Variants in DRC11 observed in about 807,000 individuals in gnomAD.
The protein encoded by DRC11 is IQ and AAA domain-containing protein 1.
At chr2:236,489,531 G>C in the DRC11 span, among the ~76,000 whole-genome samples, 1 of 152,182 alleles carries the variant, frequency 6.6e-6, no homozygotes, top group Admixed American at 6.5e-5. Context: ...TGCTGTTCCA[G>C]AGGCCCCAGA....
At chr2:236,336,338 C>T in the DRC11 span, among the ~76,000 whole-genome samples, 5 of 152,206 alleles carry the variant, frequency 3.3e-5, no homozygotes, top group Non-Finnish European at 5.9e-5. The surrounding 1 kb of genome is among the most constrained non-coding windows in gnomAD (Gnocchi z 7.3). Flanking sequence ...CTCTGCTTTG[C>T]GGTGCTCACG....
the DRC11 span, among the ~76,000 whole-genome samples, chr2:236,388,206 C>T: frequency 6.6e-6 from 1 of 151,902 alleles, no homozygotes; most frequent in Non-Finnish European, 1.5e-5. Flanking sequence ...TGAACGTTGA[C>T]CTGCCTTGCT....
At chr2:236,456,445 G>A in the DRC11 span, among the ~76,000 whole-genome samples, 1 of 152,140 alleles carries the variant, frequency 6.6e-6, no homozygotes, top group Non-Finnish European at 1.5e-5. This position sits in a 1 kb window ranked among gnomAD's most constrained non-coding sequence, Gnocchi z 5.4. Flanking sequence ...TAGAGATGCA[G>A]AAGACACCAT....
the DRC11 span, among the ~76,000 whole-genome samples, chr2:236,400,611 C>T: frequency 2.0e-5 from 3 of 152,210 alleles, no homozygotes; most frequent in Non-Finnish European, 4.4e-5. This position sits in a 1 kb window ranked among gnomAD's most constrained non-coding sequence, Gnocchi z 7.9. Context: ...ATTTGGTCCT[C>T]GGGTTCCCGA....
the DRC11 span, among the ~76,000 whole-genome samples, chr2:236,438,957 C>T: frequency 6.7e-6 from 1 of 148,984 alleles, no homozygotes; most frequent in African/African-American, 2.5e-5. Context: ...ACAACCTGCT[C>T]CTGAATGACT....
At chr2:236,312,659 T>G in the DRC11 span, among the ~76,000 whole-genome samples, 2 of 151,828 alleles carry the variant, frequency 1.3e-5, no homozygotes, top group Non-Finnish European at 2.9e-5. Flanking sequence ...AACAGCAAGT[T>G]AAATCCCAAG....
At chr2:236,421,715 C>T in the DRC11 span, among the ~76,000 whole-genome samples, 3 of 152,308 alleles carry the variant, frequency 2.0e-5, no homozygotes, top group African/African-American at 7.2e-5. Context: ...TTTTATGAGG[C>T]CAGCGTTATC....
the DRC11 span, among the ~76,000 whole-genome samples, chr2:236,450,712 C>T: frequency 2.2e-4 from 33 of 152,150 alleles, no homozygotes; most frequent in Non-Finnish European, 3.8e-4. Flanking sequence ...TTTTAACCTT[C>T]ATTTATCATA....
chr2:236,411,926 T>C, the DRC11 span, among the ~76,000 whole-genome samples: 3 of 144,794 alleles, frequency 2.1e-5, no homozygotes, highest in Admixed American at 6.9e-5. Flanking sequence ...GGGATAGCAT[T>C]GGGAGATATA....
At chr2:236,314,032 CTT>C in the DRC11 span, among the ~76,000 whole-genome samples, 1 of 152,078 alleles carries the variant, frequency 6.6e-6, no homozygotes, top group African/African-American at 2.4e-5. The surrounding 1 kb of genome is among the most constrained non-coding windows in gnomAD (Gnocchi z 4.5). Flanking sequence ...GATGATAAAA[CTT>C]AATACATATG....
chr2:236,380,962 C>T, the DRC11 span, among the ~76,000 whole-genome samples: 2 of 152,202 alleles, frequency 1.3e-5, no homozygotes, highest in African/African-American at 4.8e-5. This position sits in a 1 kb window ranked among gnomAD's most constrained non-coding sequence, Gnocchi z 4.9. Flanking sequence ...GCCGTGTGCA[C>T]ATACAGGAGT....
the DRC11 span, among the ~76,000 whole-genome samples, chr2:236,371,969 GA>G: frequency 2.0e-5 from 3 of 152,126 alleles, no homozygotes; most frequent in Non-Finnish European, 4.4e-5. The surrounding 1 kb of genome is among the most constrained non-coding windows in gnomAD (Gnocchi z 5.1). Flanking sequence ...ACTTTTATTA[GA>G]ATGTCTTCTT....
the DRC11 span, among the ~76,000 whole-genome samples, chr2:236,394,568 T>C: frequency 6.6e-6 from 1 of 151,254 alleles, no homozygotes; most frequent in Non-Finnish European, 1.5e-5. The surrounding 1 kb of genome is among the most constrained non-coding windows in gnomAD (Gnocchi z 7.0). Context: ...GAGGTGGAGG[T>C]TGCAGTGAGC....
the DRC11 span, among the ~76,000 whole-genome samples, chr2:236,330,993 A>G: frequency 6.6e-6 from 1 of 152,232 alleles, no homozygotes; most frequent in African/African-American, 2.4e-5. This position sits in a 1 kb window ranked among gnomAD's most constrained non-coding sequence, Gnocchi z 5.5. Context: ...CCCAAACAGC[A>G]TTGGCTTGAA....
At chr2:236,355,530 C>T in the DRC11 span, among the ~76,000 whole-genome samples, 3 of 152,226 alleles carry the variant, frequency 2.0e-5, no homozygotes, top group Non-Finnish European at 4.4e-5. Context: ...GGCCTCCCAC[C>T]GTGTCCATAC....
At chr2:236,436,162 A>T in the DRC11 span, among the ~76,000 whole-genome samples, 7 of 151,856 alleles carry the variant, frequency 4.6e-5, no homozygotes, top group Non-Finnish European at 7.4e-5. Context: ...AGTTTTAAAA[A>T]TTTTTCTTGT....
the DRC11 span, among the ~76,000 whole-genome samples, chr2:236,318,862 G>A: frequency 2.0e-5 from 3 of 152,180 alleles, no homozygotes; most frequent in Non-Finnish European, 1.5e-5. The surrounding 1 kb of genome is among the most constrained non-coding windows in gnomAD (Gnocchi z 7.0). Flanking sequence ...GACAGCACCC[G>A]GCTCATCTTC....
chr2:236,448,322 T>C, the DRC11 span, among the ~76,000 whole-genome samples: 5 of 152,308 alleles, frequency 3.3e-5, no homozygotes, highest in Middle Eastern at 0.01. The surrounding 1 kb of genome is among the most constrained non-coding windows in gnomAD (Gnocchi z 5.3). Context: ...TATGATGGCA[T>C]TTGAGCAAAA....
chr2:236,399,557 T>C, the DRC11 span: 2 of 1,302,074 alleles, frequency 1.5e-6, no homozygotes, highest in Non-Finnish European at 2.2e-6. The surrounding 1 kb of genome is among the most constrained non-coding windows in gnomAD (Gnocchi z 7.0). Flanking sequence ...GACGCTGTGA[T>C]AACCGTGACG....
Sources: gnomAD v4.1 joint callset for allele counts (sites outside exome capture counted in the v4.1 genomes callset) on GRCh38, gnomAD v4.1.1 for gene constraint, Gnocchi (gnomAD v3.1) non-coding constraint, MANE v1.5 for transcripts, NCBI Gene and HGNC (gene_info 2026-07-23, HGNC 2026-07-21) for gene names.